SPATA4: variants seen among roughly 807,000 people sequenced by gnomAD.
SPATA4 encodes spermatogenesis associated 4.
A neutral mutation model predicts 31.8 loss-of-function variants in SPATA4; 35 were observed. The observed-to-expected ratio is 1.10, with a 90% CI of 0.84 to 1.46. The LOEUF is 1.46. Ranked by LOEUF, SPATA4 falls within the 40% of genes most tolerant of loss-of-function variation. The pLI, the probability that SPATA4 is intolerant of heterozygous loss-of-function variation, is 0.00. For missense variants in SPATA4, 394 were observed against 363.1 expected (o/e 1.09, Z -0.69); for synonymous variants, 126 against 132.4 (o/e 0.95, Z 0.33).
At chr4:176,193,151 A>T in intron 2 of SPATA4, 75 bp from the exon 3 acceptor site, 1 of 980,794 alleles carries the variant, frequency 1.0e-6, no homozygotes. Flanking sequence ...AATTCACTTT[A>T]ATCTCCCTTT....
chr4:176,187,434 A>AT (rs1300766189), intron 5 of SPATA4, among the ~76,000 whole-genome samples: 21 of 151,870 alleles, frequency 1.4e-4, no homozygotes, highest in Non-Finnish European at 2.9e-4. Context: ...GTGAAACCCC[A>AT]TCTCTACTAA....
chr4:176,189,289 A>G (rs917707534), intron 4 of SPATA4, among the ~76,000 whole-genome samples: 2 of 152,172 alleles, frequency 1.3e-5, no homozygotes. Flanking sequence ...GGAAGAGAGT[A>G]AAGATTAATT....
At chr4:176,187,858 C>T (rs975946212) in intron 5 of SPATA4, among the ~76,000 whole-genome samples, 4 of 152,180 alleles carry the variant, frequency 2.6e-5, no homozygotes, top group East Asian at 1.9e-4. Context: ...ATGAGCCTGA[C>T]GTGTTTCCAA....
Position 176,193,560 on chromosome 4 carries a change from T to A in SPATA4, c.241A>T (p.Ile81Phe), listed in dbSNP as rs368924405. The A allele has an allele frequency of 2.4e-5, 38 of 1,609,244 alleles. No individual in the cohort carries two copies. The highest frequency in any genetic ancestry group is 3.0e-5 in the Non-Finnish European group (35 of 1,179,008). ...INRDFSNGFL[I>F]AEIFCIYYPW... ...TAATATATACAGAATATTTCTGCAATTAGGAAGCCATTTGAAAAATCTCTG... is the reference window on the plus strand; with the variant it reads ...TAATATATACAGAATATTTCTGCAAATAGGAAGCCATTTGAAAAATCTCTG... The change falls in exon 2 of 6, where the codon ATT (isoleucine) becomes TTT (phenylalanine). Residue 81 changes from isoleucine to phenylalanine, a missense_variant. Transcript: ENST00000280191.
In SPATA4 at chr4:176,192,888, T is replaced by C. The variant is rs112953919; in HGVS notation, c.468-41A>G. 1.9e-6 allele frequency: 3 copies of C among 1,595,380 alleles called. No homozygotes were observed. The African/African-American group carries it at 4.0e-5, about 22-fold the overall frequency. On this transcript the variant is annotated intron_variant, in intron 3 of 5. Coordinates refer to ENST00000280191, the MANE Select transcript of SPATA4 (RefSeq NM_144644.4). ...AAAATACTGTTGACAAGCAACATTT[T>C]AGCAATGAGTTTTATATTATCAAAA...
chr4:176,192,379 T>C (rs1289484072), intron 4 of SPATA4, among the ~76,000 whole-genome samples: 2 of 152,238 alleles, frequency 1.3e-5, no homozygotes, highest in Non-Finnish European at 2.9e-5. Context: ...GAATTTTTCA[T>C]ACACATATAC....
chr4:176,186,471 TCACCAA>T lies in SPATA4; in HGVS notation c.806-1585_806-1580del, dbSNP rs1752442626. ...CCTGCTGGAACTTTCACCACAAATG[TCACCAA>T]CAGAAGAAGGTTGAGGCAGGCTGAA... On this transcript the variant is annotated intron_variant, in intron 5 of 5. Transcript: ENST00000280191. Among the ~76,000 whole-genome samples the T allele has an allele frequency of 3.3e-5, 5 of 152,298 alleles. No individual in the cohort carries two copies. The South Asian group carries it at 1.0e-3, about 32-fold the overall frequency.
chr4:176,194,618 G>C (rs1017563147), intron 1 of SPATA4: 3 of 151,438 alleles, frequency 2.0e-5, no homozygotes, highest in Non-Finnish European at 4.4e-5. Flanking sequence ...TTAGCTGCCA[G>C]TTACATACAA....
rs1752564558 is a variant in SPATA4 at position 176,193,449 on chromosome 4, G to A, written c.348+4C>T. 1.2e-6 allele frequency: 2 copies of A among 1,609,488 alleles called. No homozygotes were observed. The highest frequency in any genetic ancestry group is 1.3e-5 in the African/African-American group (1 of 74,648). On this transcript the variant is annotated splice_donor_region_variant and intron_variant, in intron 2 of 5. Transcript: ENST00000280191. ...GTTAAAAGTGTAAATGACTGCTAAC[G>A]TACCTTCTCCAACTGTGCCCAGTTA...
intron 2 of SPATA4, 133 bp downstream of exon 2, chr4:176,193,320 T>C (rs1302070861): frequency 1.6e-5 from 18 of 1,125,970 alleles, no homozygotes; most frequent in East Asian, 1.4e-4. Flanking sequence ...ATAAACTTTG[T>C]AATACACAGG....
intron 1 of SPATA4, chr4:176,194,916 T>C (rs1217083454): frequency 6.2e-6 from 1 of 160,144 alleles, no homozygotes; most frequent in Non-Finnish European, 1.4e-5. Context: ...TTGTATTTTT[T>C]AGTAGAGACG....
chr4:176,188,546 A>T (rs185214348), intron 4 of SPATA4, among the ~76,000 whole-genome samples: 1 of 152,314 alleles, frequency 6.6e-6, no homozygotes, highest in East Asian at 1.9e-4. Flanking sequence ...TGTGTGAGTG[A>T]ATACACTTAG....
chr4:176,193,655 C>G, intron 1 of SPATA4, 73 bp from the exon 2 acceptor site: 1 of 1,391,060 alleles, frequency 7.2e-7, no homozygotes, highest in Non-Finnish European at 9.5e-7. Flanking sequence ...ATAATTAATA[C>G]TAGTCTAATA....
In SPATA4 at chr4:176,195,446, A is replaced by T; in HGVS notation, c.117T>A (p.Cys39Ter). 1.2e-6 allele frequency: 2 copies of T among 1,614,232 alleles called. No individual in the cohort carries two copies. Among genetic ancestry groups the T allele is most frequent in the Non-Finnish European group, 1.7e-6 (2 of 1,180,040 alleles). ...AAPIRGRPKK[C>*]LVYPHAPKSS... ...TCTTCGGCGCATGCGGATAGACCAG[A>T]CACTTCTTAGGCCTCCCTCGGATGG... The change falls in exon 1 of 6, where the codon TGT (cysteine) becomes TGA (stop). Residue 39 changes from cysteine (C) to a stop codon, truncating the protein, a stop_gained. Coordinates refer to ENST00000280191, the MANE Select transcript of SPATA4 (RefSeq NM_144644.4). LOFTEE classifies it high-confidence loss of function.
At position 176,186,724 on chromosome 4, in the gene SPATA4, G is replaced by C. The variant is rs1457954543; in HGVS notation, c.805+1395C>G. The stretch of plus-strand genomic sequence containing the variant: ...CCACCAAACAAAGCAAAACCAAATA[G>C]TGATGTGTGATCAAATAGAGTTTGG... On this transcript the variant is annotated intron_variant, in intron 5 of 5. Transcript: ENST00000280191. Among the ~76,000 whole-genome samples the C allele has an allele frequency of 2.0e-5, 3 of 152,134 alleles. No homozygotes were observed. The East Asian group carries it at 5.8e-4, about 29-fold the overall frequency.
chr4:176,194,417 A>G (rs1180488160), intron 1 of SPATA4: 2 of 152,212 alleles, frequency 1.3e-5, no homozygotes, highest in Non-Finnish European at 2.9e-5. Context: ...TTAAAAAGGC[A>G]TTAAATTTGT....
In SPATA4 at chr4:176,192,780, C is replaced by T. The variant is rs1205675323; in HGVS notation, c.535G>A (p.Val179Ile). The T allele has an allele frequency of 1.2e-6, 2 of 1,614,116 alleles. No homozygotes were observed. Among genetic ancestry groups the T allele is most frequent in the Non-Finnish European group, 8.5e-7 (1 of 1,180,008 alleles). Residue 179 changes from valine (V) to isoleucine (I), a missense_variant, in exon 4 of 6, where the codon GTT becomes ATT. Transcript: ENST00000280191. ...DYSYQMRLPL[V>I]SRSTVSKSIK... ...GACTTCGAAACTGTAGACCTGGAAA[C>T]CAGGGGTAAACGCATCTGGTAGCTA...
At chr4:176,191,250 C>T (rs1293687282) in intron 4 of SPATA4, among the ~76,000 whole-genome samples, 1 of 152,106 alleles carries the variant, frequency 6.6e-6, no homozygotes, top group Non-Finnish European at 1.5e-5. Context: ...CACACGCCAC[C>T]ATGCCCAGCT....
At chr4:176,191,319 C>G (rs1752528484) in intron 4 of SPATA4, among the ~76,000 whole-genome samples, 1 of 152,192 alleles carries the variant, frequency 6.6e-6, no homozygotes, top group Non-Finnish European at 1.5e-5. Flanking sequence ...TGGTCTCAAA[C>G]TTTTGACCTC....
Sources: gnomAD v4.1 joint callset for allele counts (sites outside exome capture counted in the v4.1 genomes callset) on GRCh38, gnomAD v4.1.1 for gene constraint, MANE v1.5 for transcripts, NCBI Gene and HGNC (gene_info 2026-07-23, HGNC 2026-07-21) for gene names.